KCTD16: variants seen among roughly 807,000 people sequenced by gnomAD.
KCTD16 encodes the protein potassium channel tetramerization domain containing 16.
KCTD16 carries 13 observed loss-of-function variants against 33.2 expected under a neutral mutation model. That is an observed-to-expected ratio of 0.39 (90% confidence interval 0.25 to 0.62). The LOEUF is 0.62. KCTD16 is among the 20% of genes least tolerant of loss of function. The pLI is 0.50. For synonymous variants in KCTD16, 197 were observed against 195.3 expected (o/e 1.01, Z -0.07); for missense variants, 441 against 525.1 (o/e 0.84, Z 1.57).
intron 3 of KCTD16, among the ~76,000 whole-genome samples, chr5:144,296,957 A>C (rs999557874): frequency 6.6e-6 from 1 of 152,248 alleles, no homozygotes; most frequent in Admixed American, 6.5e-5. Flanking sequence ...ACAGCTGATT[A>C]GAATATAAAA....
intron 3 of KCTD16, among the ~76,000 whole-genome samples, chr5:144,409,178 G>A (rs1281073660): frequency 6.6e-6 from 1 of 152,164 alleles, no homozygotes; most frequent in Non-Finnish European, 1.5e-5. Context: ...ACTGAACAGA[G>A]TTAGTTCCTA....
chr5:144,399,088 C>T (rs1314341881), intron 3 of KCTD16, among the ~76,000 whole-genome samples: 1 of 152,130 alleles, frequency 6.6e-6, no homozygotes, highest in Middle Eastern at 3.2e-3. Flanking sequence ...GACTGAACTC[C>T]TACTATCTAT....
Position 144,184,361 on chromosome 5 carries a change from A to G in KCTD16, c.-327+9889A>G, listed in dbSNP as rs545523085. On this transcript the variant is annotated intron_variant, in intron 2 of 3. Coordinates refer to ENST00000512467, the MANE Select transcript of KCTD16 (RefSeq NM_020768.4). ...TTATTTCACTTAGCATAATGTCCTC[A>G]AGGTTCGTCCATGTTAAAGTCTATG... 4.6e-5 allele frequency among the ~76,000 whole-genome samples: 7 copies of G among 152,252 alleles called. No homozygotes were observed. The East Asian group carries it at 1.3e-3, about 29-fold the overall frequency.
chr5:144,429,860 G>A (rs1312372608), intron 3 of KCTD16, among the ~76,000 whole-genome samples: 1 of 151,726 alleles, frequency 6.6e-6, no homozygotes, highest in Non-Finnish European at 1.5e-5. Context: ...AGTCAGACAT[G>A]TTCATAAATA....
chr5:144,351,964 A>G (rs1479422702), intron 3 of KCTD16, among the ~76,000 whole-genome samples: 1 of 152,224 alleles, frequency 6.6e-6, no homozygotes, highest in African/African-American at 2.4e-5. Flanking sequence ...TGCACTGTAC[A>G]TCAGGGTTAC....
chr5:144,377,205 C>T (rs953918022), intron 3 of KCTD16, among the ~76,000 whole-genome samples: 2 of 152,174 alleles, frequency 1.3e-5, no homozygotes, highest in African/African-American at 2.4e-5. Context: ...TTTTTACTTT[C>T]TCTTGGGGTT....
chr5:144,295,154 C>A (rs1756000979), intron 3 of KCTD16, among the ~76,000 whole-genome samples: 1 of 152,108 alleles, frequency 6.6e-6, no homozygotes, highest in Non-Finnish European at 1.5e-5. Flanking sequence ...AAGTGCCAAG[C>A]AAAGTGTCAG....
Position 144,474,112 on chromosome 5 carries a change from T to C in KCTD16, c.1285T>C (p.Ter429GlnextTer19). The C allele has an allele frequency of 6.3e-7, 1 of 1,576,146 alleles. No homozygotes were observed. Reference sequence around the variant, plus strand: ...TGAACTTTTAAGGAAGTATCATCTATAAGGGAGGGCTGGGGGCGGGAAAAG... The same window carrying C: ...TGAACTTTTAAGGAAGTATCATCTACAAGGGAGGGCTGGGGGCGGGAAAAG... ...QSELLRKYHL[*>Q] Residue 429 changes from the stop codon to glutamine, a stop_lost, in exon 4 of 4, where the codon TAA becomes CAA. Transcript: ENST00000512467.
chr5:144,230,936 G>A (rs1003813444), intron 3 of KCTD16, among the ~76,000 whole-genome samples: 8 of 152,200 alleles, frequency 5.3e-5, no homozygotes, highest in Admixed American at 5.2e-4. Context: ...GCAGAGCATA[G>A]CCTGTTCTCT....
Position 144,334,945 on chromosome 5 carries a change from T to A in KCTD16, c.832+127399T>A, listed in dbSNP as rs183039317. 3.8e-3 allele frequency among the ~76,000 whole-genome samples: 579 copies of A among 151,340 alleles called. 3 individuals are homozygous for A. Among genetic ancestry groups the A allele is most frequent in the Middle Eastern group, 0.014 (4 of 294 alleles). On this transcript the variant is annotated intron_variant, in intron 3 of 3. Transcript: ENST00000512467. ...GCATGTACTACCACACCTGGCTAAT[T>A]TTTTTTTTATTTTTTGTAGAGATCT... is the stretch of plus-strand genomic sequence containing the variant.
intron 3 of KCTD16, among the ~76,000 whole-genome samples, chr5:144,222,243 T>G (rs180860152): frequency 1.6e-4 from 24 of 152,304 alleles, no homozygotes; most frequent in Non-Finnish European, 3.1e-4. Context: ...TTTAGAGAGT[T>G]GCAAAAGCAT....
intron 3 of KCTD16, among the ~76,000 whole-genome samples, chr5:144,432,121 C>T (rs1753477387): frequency 1.3e-5 from 2 of 152,142 alleles, no homozygotes; most frequent in South Asian, 2.1e-4. Context: ...GCAATATATA[C>T]ATTTAGGTCT....
intron 3 of KCTD16, among the ~76,000 whole-genome samples, chr5:144,237,164 T>G (rs892573074): frequency 2.0e-5 from 3 of 152,084 alleles, no homozygotes; most frequent in Non-Finnish European, 1.5e-5. Flanking sequence ...AAATTCTGGT[T>G]GCTTGTGGCT....
At chr5:144,267,484 T>C (rs1452397223) in intron 3 of KCTD16, among the ~76,000 whole-genome samples, 3 of 152,190 alleles carry the variant, frequency 2.0e-5, no homozygotes, top group African/African-American at 7.2e-5. Flanking sequence ...TGTGAGGCTC[T>C]TCTTAGCATG....
intron 3 of KCTD16, chr5:144,383,024 CACTTA>C (rs1386537731): frequency 6.6e-6 from 1 of 152,170 alleles, no homozygotes; most frequent in African/African-American, 2.4e-5. Flanking sequence ...ATAGTTTTGG[CACTTA>C]ACTTCTACTC....
At chr5:144,380,626 C>A (rs964906988) in intron 3 of KCTD16, among the ~76,000 whole-genome samples, 22 of 152,162 alleles carry the variant, frequency 1.4e-4, no homozygotes, top group African/African-American at 5.3e-4. Context: ...CAGCATGGTA[C>A]TGGTACAAAA....
intron 3 of KCTD16, among the ~76,000 whole-genome samples, chr5:144,335,475 A>G: frequency 6.6e-6 from 1 of 152,206 alleles, no homozygotes; most frequent in South Asian, 2.1e-4. Context: ...ACTATGAGAA[A>G]GATGCAAGGG....
At chr5:144,252,717 C>G (rs1754735051) in intron 3 of KCTD16, among the ~76,000 whole-genome samples, 1 of 151,234 alleles carries the variant, frequency 6.6e-6, no homozygotes, top group Non-Finnish European at 1.5e-5. Flanking sequence ...CTTAATGGAA[C>G]ATTTTGCTGG....
chr5:144,352,112 T>C (rs1279347898), intron 3 of KCTD16, among the ~76,000 whole-genome samples: 1 of 152,226 alleles, frequency 6.6e-6, no homozygotes, highest in African/African-American at 2.4e-5. Flanking sequence ...TATACATCTA[T>C]CAAAACATCA....
Sources: allele counts gnomAD v4.1 joint callset (sites outside exome capture counted in the v4.1 genomes callset), GRCh38; gene constraint gnomAD v4.1.1; transcripts MANE v1.5; gene names NCBI Gene and HGNC (gene_info 2026-07-23, HGNC 2026-07-21).